Variants in MAPT observed in about 807,000 individuals in gnomAD.
MAPT encodes microtubule-associated protein tau.
Under a neutral mutation model 67.9 loss-of-function variants are expected in MAPT, and 34 were observed. That is an observed-to-expected ratio of 0.50 (90% CI 0.38 to 0.67). The LOEUF (loss-of-function observed/expected upper bound fraction) is 0.67, where lower values mean the gene tolerates loss of function less well. Ranked by LOEUF, MAPT falls within the 30% of genes least tolerant of loss-of-function variation. The pLI, the probability that MAPT is intolerant of heterozygous loss-of-function variation, is 0.00. For synonymous variants in MAPT, 456 were observed against 464.5 expected, an observed-to-expected ratio of 0.98 and a Z score of 0.23; for missense variants, 881 against 1,115.2, an observed-to-expected ratio of 0.79 and a Z score of 2.99.
chr17:45,941,568 C>T (rs1423070294), intron 1 of MAPT, among the ~76,000 whole-genome samples: 1 of 151,528 alleles, frequency 6.6e-6, no homozygotes, highest in Non-Finnish European at 1.5e-5. Flanking sequence ...TCTTTCTTGC[C>T]AGCTTTTTCT....
At chr17:45,959,108 T>C (rs2070088889) in intron 1 of MAPT, among the ~76,000 whole-genome samples, 1 of 152,112 alleles carries the variant, frequency 6.6e-6, no homozygotes. Context: ...TAGGATATCA[T>C]TTAAAAAAAC....
chr17:46,014,995 A>G (rs1177231028), intron 11 of MAPT, among the ~76,000 whole-genome samples: 1 of 152,176 alleles, frequency 6.6e-6, no homozygotes, highest in African/African-American at 2.4e-5. Flanking sequence ...GGGATGGTCA[A>G]TGGGTACAAA....
chr17:45,927,761 G>A (rs577158292), intron 1 of MAPT, among the ~76,000 whole-genome samples: 1 of 152,050 alleles, frequency 6.6e-6, no homozygotes, highest in South Asian at 2.1e-4. Flanking sequence ...AGCACTTTGG[G>A]AGGCCAAGGT....
intron 9 of MAPT, among the ~76,000 whole-genome samples, chr17:46,007,122 G>T (rs2075500929): frequency 6.6e-6 from 1 of 151,470 alleles, no homozygotes; most frequent in Non-Finnish European, 1.5e-5. Flanking sequence ...TACCCCACAA[G>T]TATATACACC....
intron 1 of MAPT, among the ~76,000 whole-genome samples, chr17:45,941,653 TCCA>T (rs2067901758): frequency 2.1e-5 from 2 of 97,096 alleles, no homozygotes; most frequent in Admixed American, 1.2e-4. Flanking sequence ...CTTCCCCCCT[TCCA>T]CCCTTCCCCC....
At chr17:45,964,042 G>A (rs977682753) in intron 2 of MAPT, among the ~76,000 whole-genome samples, 1 of 152,046 alleles carries the variant, frequency 6.6e-6, no homozygotes, top group East Asian at 1.9e-4. Context: ...AATGCAGCTC[G>A]GCCCAGCCTC....
intron 1 of MAPT, among the ~76,000 whole-genome samples, chr17:45,943,945 T>C (rs1365708681): frequency 6.6e-6 from 1 of 152,184 alleles, no homozygotes; most frequent in African/African-American, 2.4e-5. Context: ...CTTCCTGCTG[T>C]CACCCCACCA....
chr17:45,908,795 G>A lies in MAPT; in HGVS notation c.-18+14109G>A, dbSNP rs539997758. ...TCTCAGTTCTGGTCTTGCCTCCCAC[G>A]TTCTCCTCCACATTTAAGAAAATCC... On this transcript the variant is annotated intron_variant, in intron 1 of 12. Coordinates refer to ENST00000262410, the MANE Select transcript of MAPT (RefSeq NM_001377265.1). Among the ~76,000 whole-genome samples, 4 of 152,124 alleles carry A rather than the reference G, an allele frequency of 2.6e-5. No homozygotes were observed. The East Asian group carries it at 7.7e-4, about 29-fold the overall frequency.
At chr17:45,982,277 G>A (rs1015243026) in intron 4 of MAPT, among the ~76,000 whole-genome samples, 3 of 139,360 alleles carry the variant, frequency 2.2e-5, no homozygotes, top group African/African-American at 5.4e-5. Context: ...AGCTGAGATC[G>A]TGCCACTGTA....
chr17:46,020,646 G>A (rs1295782702), intron 12 of MAPT, among the ~76,000 whole-genome samples: 3 of 152,200 alleles, frequency 2.0e-5, no homozygotes, highest in Admixed American at 1.3e-4. Flanking sequence ...TGAAAGGCTT[G>A]TCTCACACGG....
In MAPT at chr17:45,983,893, G is replaced by A. The variant is rs781182606; in HGVS notation, c.1314G>A (p.Pro438=). ...CTGAAAAGCAGCCTGCTGCTGCTCC[G>A]CGGGGGAAGCCCGTCAGCCGGGTCC... is the stretch of plus-strand genomic sequence containing the variant. ...EPSEKQPAAA[P]RGKPVSRVPQ... is the part of the protein sequence containing the mutation. The change falls in exon 5 of 13, where the codon CCG becomes CCA. Residue 438 remains proline, a synonymous_variant. Transcript: ENST00000262410. 3.2e-5 allele frequency: 50 copies of A among 1,587,024 alleles called. No individual in the cohort carries two copies. The highest frequency in any genetic ancestry group is 1.7e-4 in the Middle Eastern group (1 of 5,880).
chr17:45,964,948 G>A (rs932678368), intron 2 of MAPT, among the ~76,000 whole-genome samples: 5 of 152,174 alleles, frequency 3.3e-5, no homozygotes, highest in African/African-American at 1.2e-4. Flanking sequence ...CCGAAGGTTA[G>A]CCTGTTGAAA....
At chr17:45,941,616 C>CTT (rs1568206813) in intron 1 of MAPT, among the ~76,000 whole-genome samples, 1 of 111,104 alleles carries the variant, frequency 9.0e-6, no homozygotes, top group African/African-American at 3.9e-5. Context: ...CCCTCCCTCC[C>CTT]CCCTTCCCTC....
chr17:45,897,553 C>G lies in MAPT; in HGVS notation c.-18+2867C>G, dbSNP rs983033733. 6.6e-6 allele frequency: 1 copy of G among 152,212 alleles called. No individual in the cohort carries two copies. The highest frequency in any genetic ancestry group is 2.4e-5 in the African/African-American group (1 of 41,422). 9.4% of individuals were successfully genotyped at this position (152,212 alleles called of 1,614,324 possible). A position where few individuals can be genotyped will look rare whatever the true frequency, so the allele number is the denominator to read the frequency against. ...AGGACCTCGAGGGATGCAGCTTTTG[C>G]GCGGATGACGGTGGGGTGCTGAACC... On this transcript the variant is annotated intron_variant, in intron 1 of 12. Transcript: ENST00000262410. This position sits in a 1 kb window ranked among gnomAD's most constrained non-coding sequence, Gnocchi z 5.0.
chr17:45,942,326 C>A (rs1233175090), intron 1 of MAPT, among the ~76,000 whole-genome samples: 1 of 152,232 alleles, frequency 6.6e-6, no homozygotes, highest in Non-Finnish European at 1.5e-5. Context: ...CCTTACAAAG[C>A]AGTTGGCTTC....
At chr17:45,903,441 T>C (rs909936174) in intron 1 of MAPT, among the ~76,000 whole-genome samples, 1 of 151,870 alleles carries the variant, frequency 6.6e-6, no homozygotes, top group Admixed American at 6.6e-5. Flanking sequence ...TCAGGCAGTC[T>C]GGGCGCGGTG....
At chr17:45,938,810 A>AT (rs368157488) in intron 1 of MAPT, among the ~76,000 whole-genome samples, 2,464 of 118,070 alleles carry the variant, frequency 0.021, 89 homozygotes, top group African/African-American at 0.06. Context: ...TGCCCAGCTA[A>AT]TTTTTTTTTT....
rs139439911 is a variant in MAPT, at chr17:46,020,874, G to A, written c.2286+2144G>A. 3.4e-3 allele frequency among the ~76,000 whole-genome samples: 521 copies of A among 152,204 alleles called. 4 individuals are homozygous for A. The highest frequency in any genetic ancestry group is 0.012 in the African/African-American group (498 of 41,532). ...GGACACAGCCAAACCATATCAGGGCGTCCCAGAAAGGGTATAGGGTCTGAG... is the reference window on the plus strand; with the variant it reads ...GGACACAGCCAAACCATATCAGGGCATCCCAGAAAGGGTATAGGGTCTGAG... On this transcript the variant is annotated intron_variant, in intron 12 of 12. Coordinates refer to ENST00000262410, the MANE Select transcript of MAPT (RefSeq NM_001377265.1).
At chr17:46,012,957 C>T (rs1306512748) in intron 10 of MAPT, among the ~76,000 whole-genome samples, 1 of 152,184 alleles carries the variant, frequency 6.6e-6, no homozygotes, top group Non-Finnish European at 1.5e-5. Context: ...ATCATGTCCG[C>T]CCTGACACAC....
Sources: allele counts gnomAD v4.1 joint callset (sites outside exome capture counted in the v4.1 genomes callset), GRCh38; gene constraint gnomAD v4.1.1; non-coding constraint Gnocchi (gnomAD v3.1); transcripts MANE v1.5; gene names NCBI Gene and HGNC (gene_info 2026-07-23, HGNC 2026-07-21).